Variants in PKP4 observed in about 807,000 individuals in gnomAD.
PKP4 encodes plakophilin 4.
Under a neutral mutation model 145.1 loss-of-function variants are expected in PKP4, and 90 were observed. That is an observed-to-expected ratio of 0.62 (90% CI 0.52 to 0.74). PKP4 has a LOEUF of 0.74. PKP4 is among the 30% of genes least tolerant of loss of function. PKP4 has a pLI of 0.00. For synonymous variants in PKP4, 563 were observed against 577.2 expected (o/e 0.98, Z 0.35); for missense variants, 1,340 against 1,482.7 (o/e 0.90, Z 1.58).
At chr2:158,482,826 T>TC (rs1299716201) in intron 1 of PKP4, among the ~76,000 whole-genome samples, 1 of 147,540 alleles carries the variant, frequency 6.8e-6, no homozygotes, top group East Asian at 2.0e-4. Flanking sequence ...AGACCTTGCT[T>TC]CAAAAAAAAA....
At position 158,602,964 on chromosome 2, in the gene PKP4, G is replaced by A. The variant is rs78200363; in HGVS notation, c.246-106G>A. On this transcript the variant is annotated intron_variant, in intron 3 of 21. Transcript: ENST00000389759. The stretch of plus-strand genomic sequence containing the variant: ...TTTTATTTAAGGTTTTTGTGCTCTT[G>A]TATAATTTAATGTGGAAATTAAATG... The A allele has an allele frequency of 8.6e-4, 496 of 577,114 alleles. 2 individuals are homozygous for A. In the African/African-American group the frequency reaches 8.9e-3, roughly 10 times the overall value. 35.7% of individuals were successfully genotyped at this position (577,114 alleles called of 1,614,324 possible). A position where few individuals can be genotyped will look rare whatever the true frequency, so the allele number is the denominator to read the frequency against.
At chr2:158,496,788 G>GTGTGTC (rs1553545762) in intron 1 of PKP4, among the ~76,000 whole-genome samples, 1 of 150,504 alleles carries the variant, frequency 6.6e-6, no homozygotes, top group African/African-American at 2.4e-5. Context: ...GTGTGTGTGT[G>GTGTGTC]TGTGTGTCTG....
intron 1 of PKP4, among the ~76,000 whole-genome samples, chr2:158,475,805 CACCT>C (rs532847140): frequency 1.0e-3 from 158 of 152,300 alleles, no homozygotes; most frequent in African/African-American, 3.6e-3. Context: ...CTCCCATATC[CACCT>C]ACCAGATAAA....
intron 1 of PKP4, among the ~76,000 whole-genome samples, chr2:158,505,618 G>A (rs962109796): frequency 2.6e-5 from 4 of 152,106 alleles, no homozygotes; most frequent in African/African-American, 4.8e-5. Context: ...GTGGTGATAA[G>A]CATTAAGGTG....
At chr2:158,593,500 T>C (rs1347451491) in intron 3 of PKP4, among the ~76,000 whole-genome samples, 1 of 152,170 alleles carries the variant, frequency 6.6e-6, no homozygotes, top group Non-Finnish European at 1.5e-5. Context: ...TCCTTTTTGA[T>C]CTTCCCTTTC....
intron 1 of PKP4, among the ~76,000 whole-genome samples, chr2:158,509,219 A>G (rs746377300): frequency 6.6e-6 from 1 of 152,210 alleles, no homozygotes; most frequent in South Asian, 2.1e-4. Flanking sequence ...AATCAGTTCA[A>G]TTTTGTATAC....
chr2:158,620,630 A>G (rs2052132324), intron 4 of PKP4, among the ~76,000 whole-genome samples: 1 of 152,246 alleles, frequency 6.6e-6, no homozygotes, highest in Non-Finnish European at 1.5e-5. Flanking sequence ...TGTTTGGAAG[A>G]TGGAGGACCC....
chr2:158,634,946 G>A (rs1359592989), intron 9 of PKP4, among the ~76,000 whole-genome samples: 1 of 152,124 alleles, frequency 6.6e-6, no homozygotes, highest in Admixed American at 6.6e-5. Context: ...TTGAAAAACT[G>A]ACCTTGTCCT....
chr2:158,614,824 A>G (rs142618259), intron 4 of PKP4, among the ~76,000 whole-genome samples: 1 of 152,296 alleles, frequency 6.6e-6, no homozygotes, highest in African/African-American at 2.4e-5. Context: ...ACTATCTAAA[A>G]TAAAATAGAA....
At chr2:158,570,306 GT>G (rs1329195915) in intron 2 of PKP4, among the ~76,000 whole-genome samples, 2 of 152,176 alleles carry the variant, frequency 1.3e-5, no homozygotes, top group Non-Finnish European at 2.9e-5. Context: ...TTGTAAAATA[GT>G]TTCCTAAACT....
At chr2:158,545,852 A>G (rs909529642) in intron 2 of PKP4, among the ~76,000 whole-genome samples, 10 of 152,162 alleles carry the variant, frequency 6.6e-5, no homozygotes, top group African/African-American at 9.6e-5. Context: ...CTAAGACTCA[A>G]TTTCTCTTGC....
At chr2:158,550,735 C>T (rs2045549938) in intron 2 of PKP4, among the ~76,000 whole-genome samples, 1 of 152,216 alleles carries the variant, frequency 6.6e-6, no homozygotes, top group Admixed American at 6.5e-5. Flanking sequence ...CTCAAGTTCT[C>T]AAACTGTGGA....
At chr2:158,633,269 T>C (rs191401330) in intron 8 of PKP4, among the ~76,000 whole-genome samples, 3 of 152,344 alleles carry the variant, frequency 2.0e-5, no homozygotes, top group African/African-American at 4.8e-5. Flanking sequence ...AAGTTTAATT[T>C]ATAAATCAGG....
intron 16 of PKP4, among the ~76,000 whole-genome samples, chr2:158,667,332 A>G (rs2057191528): frequency 6.6e-6 from 1 of 152,126 alleles, no homozygotes; most frequent in South Asian, 2.1e-4. Flanking sequence ...AACCCCGTTC[A>G]GGCTCCGTAA....
At chr2:158,601,469 A>T (rs2050222061) in intron 3 of PKP4, among the ~76,000 whole-genome samples, 1 of 152,192 alleles carries the variant, frequency 6.6e-6, no homozygotes, top group Non-Finnish European at 1.5e-5. Flanking sequence ...TTGAGGAGAA[A>T]TTGAAATTCA....
At chr2:158,497,641 G>C (rs1048608327) in intron 1 of PKP4, among the ~76,000 whole-genome samples, 7 of 152,160 alleles carry the variant, frequency 4.6e-5, no homozygotes, top group African/African-American at 1.2e-4. Flanking sequence ...CCTTAGGCAA[G>C]TTATTTCACT....
rs2058405323 is a variant in PKP4 at position 158,681,226 on chromosome 2, A to G, written c.*549A>G. 6.5e-6 allele frequency: 1 copy of G among 153,670 alleles called. No individual in the cohort carries two copies. The highest frequency in any genetic ancestry group is 2.4e-5 in the African/African-American group (1 of 41,446). 9.5% of individuals were successfully genotyped at this position (153,670 alleles called of 1,614,324 possible). A position where few individuals can be genotyped will look rare whatever the true frequency, so the allele number is the denominator to read the frequency against. Reference sequence around the variant, plus strand: ...GAAGAAACTGACAACTTCAAAAACAAATGAGAAGCCCAAGGAACTGTGAGC... The same window carrying G: ...GAAGAAACTGACAACTTCAAAAACAGATGAGAAGCCCAAGGAACTGTGAGC... On this transcript the variant is annotated 3_prime_UTR_variant, in exon 22 of 22. Transcript: ENST00000389759.
chr2:158,671,667 G>A (rs796791109), intron 17 of PKP4, among the ~76,000 whole-genome samples: 3 of 152,348 alleles, frequency 2.0e-5, no homozygotes, highest in African/African-American at 7.2e-5. Context: ...TCTCTATGCT[G>A]GGCTTGCAGC....
intron 3 of PKP4, among the ~76,000 whole-genome samples, chr2:158,601,558 T>C (rs1156934270): frequency 6.6e-6 from 1 of 152,192 alleles, no homozygotes; most frequent in Non-Finnish European, 1.5e-5. Flanking sequence ...ATTACTGATA[T>C]TTGACCAAGT....
Sources: allele counts gnomAD v4.1 joint callset (sites outside exome capture counted in the v4.1 genomes callset), GRCh38; gene constraint gnomAD v4.1.1; transcripts MANE v1.5; gene names NCBI Gene and HGNC (gene_info 2026-07-23, HGNC 2026-07-21).